The following TXNDC11 variants were observed in gnomAD, a reference collection of about 807,000 sequenced individuals.
The protein encoded by TXNDC11 is thioredoxin domain containing 11.
TXNDC11 carries 68 observed loss-of-function variants against 78.0 expected under a neutral mutation model. The ratio of observed to expected loss-of-function variants is 0.87; its 90% CI spans 0.72 to 1.07. The LOEUF (loss-of-function observed/expected upper bound fraction) is 1.07. TXNDC11 is among the 50% of genes least tolerant of loss of function. The pLI is 0.00. For missense variants in TXNDC11, 1,389 were observed against 1,221.8 expected, an observed-to-expected ratio of 1.14 and a Z score of -2.04; for synonymous variants, 571 against 495.2, an observed-to-expected ratio of 1.15 and a Z score of -2.03.
intron 5 of TXNDC11, among the ~76,000 whole-genome samples, chr16:11,711,709 G>A (rs1043984893): frequency 6.6e-6 from 1 of 152,164 alleles, no homozygotes; most frequent in Non-Finnish European, 1.5e-5. Context: ...CTATTCGCAG[G>A]TTCTACTGAG....
intron 5 of TXNDC11, among the ~76,000 whole-genome samples, chr16:11,702,512 A>G (rs1403206097): frequency 6.6e-6 from 1 of 152,110 alleles, no homozygotes; most frequent in East Asian, 1.9e-4. Flanking sequence ...TACTAAAAAT[A>G]TAAAAATTAT....
chr16:11,684,582 A>G (rs1162200839), intron 10 of TXNDC11, among the ~76,000 whole-genome samples: 1 of 152,246 alleles, frequency 6.6e-6, no homozygotes, highest in Non-Finnish European at 1.5e-5. Context: ...AGCTCTGGGA[A>G]AAGAAAGGAA....
intron 5 of TXNDC11, chr16:11,703,814 G>T (rs2051102259): frequency 2.9e-6 from 2 of 686,772 alleles, no homozygotes; most frequent in Non-Finnish European, 5.3e-6. Flanking sequence ...GAAGTGGGCT[G>T]GGCATGGTGG....
In TXNDC11 at chr16:11,691,873, G is replaced by A. The variant is rs777015266; in HGVS notation, c.1317C>T (p.His439=). 6.2e-7 allele frequency: 1 copy of A among 1,614,246 alleles called. No homozygotes were observed. The highest frequency in any genetic ancestry group is 1.1e-5 in the South Asian group (1 of 91,090). Reference sequence around the variant, plus strand: ...GGTTGACACAGAGTTCACAGACGTTGTGGGTCCTGGAGAAGGAGTGCCACT... The same window carrying A: ...GGTTGACACAGAGTTCACAGACGTTATGGGTCCTGGAGAAGGAGTGCCACT... ...LPQWHSFSRT[H]NVCELCVNQT... Residue 439 remains histidine (H), a synonymous_variant, in exon 8 of 12, where the codon CAC becomes CAT. Transcript: ENST00000283033.
chr16:11,721,788 T>A, intron 4 of TXNDC11, 118 bp from the exon 5 acceptor site: 1 of 566,138 alleles, frequency 1.8e-6, no homozygotes, highest in Non-Finnish European at 3.1e-6. Flanking sequence ...TTGCCTTTCA[T>A]TTTTTCAAAA....
intron 5 of TXNDC11, among the ~76,000 whole-genome samples, chr16:11,719,662 T>A (rs2051644326): frequency 1.3e-5 from 2 of 152,192 alleles, no homozygotes; most frequent in Admixed American, 1.3e-4. Context: ...TGGCAAAGAC[T>A]GACTGAGACC....
At chr16:11,701,647 G>C (rs1036193195) in intron 5 of TXNDC11, among the ~76,000 whole-genome samples, 2 of 152,224 alleles carry the variant, frequency 1.3e-5, no homozygotes, top group South Asian at 4.1e-4. Flanking sequence ...TGTATACATG[G>C]CTAATAATTA....
intron 1 of TXNDC11, among the ~76,000 whole-genome samples, chr16:11,739,350 G>C (rs565595099): frequency 6.6e-6 from 1 of 152,248 alleles, no homozygotes; most frequent in South Asian, 2.1e-4. Context: ...CAAAAAACTC[G>C]AGTTGGTTGC....
rs190353297 is a variant in TXNDC11, at chr16:11,697,316, C to A, written c.1107+809G>T. Among the ~76,000 whole-genome samples the A allele has an allele frequency of 9.1e-3, 1,389 of 152,320 alleles. 21 individuals carry two copies. Among genetic ancestry groups the A allele is most frequent in the South Asian group, 0.08 (387 of 4,824 alleles). On this transcript the variant is annotated intron_variant, in intron 7 of 11. Transcript: ENST00000283033. The stretch of plus-strand genomic sequence containing the variant: ...GCCAGCGCTGAGGGGCTCAGGTCTG[C>A]TTAGCTGGCCAGTGGTACACTGGCT...
chr16:11,691,541 G>C lies in TXNDC11; in HGVS notation c.1649C>G (p.Pro550Arg). Reference sequence around the variant, plus strand: ...GAGATACCTGTTCTCCTCAATGTGAGGAACGGAGCTTGGGGCATCAACCTC... The same window carrying C: ...GAGATACCTGTTCTCCTCAATGTGACGAACGGAGCTTGGGGCATCAACCTC... ...KCEVDAPSSVPHIEENRYLFP... is the reference protein window; with the variant it reads ...KCEVDAPSSVRHIEENRYLFP... The change falls in exon 8 of 12, where the codon CCT becomes CGT. Residue 550 changes from proline (P) to arginine (R), a missense_variant. Coordinates refer to ENST00000283033, the MANE Select transcript of TXNDC11 (RefSeq NM_015914.7). 6.2e-7 allele frequency: 1 copy of C among 1,614,230 alleles called. No individual in the cohort carries two copies.
chr16:11,721,687 A>T lies in TXNDC11; in HGVS notation c.700-17T>A. The T allele has an allele frequency of 1.3e-6, 2 of 1,533,404 alleles. No homozygotes were observed. Among genetic ancestry groups the T allele is most frequent in the Non-Finnish European group, 1.8e-6 (2 of 1,109,122 alleles). The allele number at this position is 1,533,404 out of a possible 1,614,324, so 95.0% of individuals were successfully genotyped here. On this transcript the variant is annotated splice_polypyrimidine_tract_variant and intron_variant, in intron 4 of 11. Transcript: ENST00000283033. ...TACTCCAGGCTGCAGGAAAAAGAGC[A>T]GAATTAGGTAACTGAGGCACTGTCA...
chr16:11,725,913 T>C (rs1337550843), intron 4 of TXNDC11, among the ~76,000 whole-genome samples: 14 of 152,174 alleles, frequency 9.2e-5, no homozygotes. Flanking sequence ...TCTCACTCTG[T>C]TGCCCAGGAT....
chr16:11,740,868 C>T (rs1252053008), intron 1 of TXNDC11, among the ~76,000 whole-genome samples: 1 of 152,202 alleles, frequency 6.6e-6, no homozygotes, highest in Non-Finnish European at 1.5e-5. Context: ...ATACTAGGCT[C>T]TCAATTATGT....
chr16:11,712,165 A>G (rs531597571), intron 5 of TXNDC11, among the ~76,000 whole-genome samples: 190 of 152,322 alleles, frequency 1.2e-3, no homozygotes, highest in African/African-American at 4.4e-3. Flanking sequence ...AAGGGTAGAA[A>G]ATATCACTAC....
intron 1 of TXNDC11, among the ~76,000 whole-genome samples, chr16:11,738,439 C>A (rs568650116): frequency 2.0e-5 from 3 of 152,228 alleles, no homozygotes; most frequent in Non-Finnish European, 4.4e-5. Context: ...TGCGTGTTGT[C>A]GAGGAGACCA....
Position 11,679,469 on chromosome 16 carries a change from C to G in TXNDC11, c.2603G>C (p.Arg868Pro), listed in dbSNP as rs199651209. The G allele has an allele frequency of 1.0e-4, 166 of 1,613,586 alleles. No homozygotes were observed. Among genetic ancestry groups the G allele is most frequent in the Non-Finnish European group, 1.6e-5 (19 of 1,180,042 alleles). ...CTTGCGGGCCAGCTCCTGCAGCTCA[C>G]GTGTCTTCTGCTCATAGAGGGCCTG... ...QLQALYEQKTRELQELARKLQ... is the reference protein window; with the variant it reads ...QLQALYEQKTPELQELARKLQ... Residue 868 changes from arginine to proline, a missense_variant, in exon 12 of 12, where the codon CGT (arginine) becomes CCT (proline). Coordinates refer to ENST00000283033, the MANE Select transcript of TXNDC11 (RefSeq NM_015914.7). This position sits in a 1 kb window ranked among gnomAD's most constrained non-coding sequence, Gnocchi z 4.6.
At position 11,730,750 on chromosome 16, in the gene TXNDC11, G is replaced by A. The variant is rs1368261809; in HGVS notation, c.594C>T (p.Gly198=). 4 of 1,606,854 alleles carry A rather than the reference G, an allele frequency of 2.5e-6. No homozygotes were observed. In the African/African-American group the frequency reaches 4.0e-5, roughly 16 times the overall value. The change falls in exon 4 of 12, where the codon GGC becomes GGT. Residue 198 remains glycine (G), a synonymous_variant. Coordinates refer to ENST00000283033, the MANE Select transcript of TXNDC11 (RefSeq NM_015914.7). ...TCTCAATGTAAACAGCACTCATGGG[G>A]CCTTTGTATTCGATTGGTCCAAAAC... is the stretch of plus-strand genomic sequence containing the variant. ...HRSFGPIEYK[G]PMSAVYIEKF...
At chr16:11,734,426 T>A (rs11075011) in intron 2 of TXNDC11, among the ~76,000 whole-genome samples, 91,314 of 151,270 alleles carry the variant, frequency 0.6, 28,267 homozygotes, top group African/African-American at 0.72. Flanking sequence ...ATTTTTTTTT[T>A]AAAAAAAGCA....
intron 5 of TXNDC11, among the ~76,000 whole-genome samples, chr16:11,702,981 A>T (rs1308619404): frequency 6.6e-6 from 1 of 152,226 alleles, no homozygotes; most frequent in Admixed American, 6.5e-5. Flanking sequence ...GGCTGGGGAA[A>T]GGGGACTGGA....
Sources: allele counts gnomAD v4.1 joint callset (sites outside exome capture counted in the v4.1 genomes callset), GRCh38; gene constraint gnomAD v4.1.1; non-coding constraint Gnocchi (gnomAD v3.1); transcripts MANE v1.5; gene names NCBI Gene and HGNC (gene_info 2026-07-23, HGNC 2026-07-21).